Variants in TRPC4 observed in about 807,000 individuals in gnomAD.
TRPC4 encodes the protein transient receptor potential cation channel subfamily C member 4.
A neutral mutation model predicts 99.4 loss-of-function variants in TRPC4; 49 were observed. The observed-to-expected ratio is 0.49, with a 90% CI of 0.39 to 0.63. TRPC4 has a LOEUF of 0.63. Among genes scored for constraint, TRPC4 ranks in the 20% least tolerant of loss-of-function variants. The pLI is 0.00. For missense variants in TRPC4, 898 were observed against 1,152.9 expected (o/e 0.78, Z 3.20); for synonymous variants, 454 against 425.9 (o/e 1.07, Z -0.81).
At chr13:37,774,078 T>C (rs896536442) in intron 2 of TRPC4, among the ~76,000 whole-genome samples, 1 of 151,782 alleles carries the variant, frequency 6.6e-6, no homozygotes, top group African/African-American at 2.4e-5. Flanking sequence ...CAAATGAATG[T>C]ATATAATTTC....
intron 3 of TRPC4, among the ~76,000 whole-genome samples, chr13:37,709,981 T>A (rs1396727698): frequency 1.3e-5 from 2 of 151,984 alleles, no homozygotes; most frequent in African/African-American, 2.4e-5. Context: ...GGAGAGGCTG[T>A]GCCTATACAT....
intron 8 of TRPC4, among the ~76,000 whole-genome samples, chr13:37,645,684 G>A (rs1184263059): frequency 6.6e-6 from 1 of 152,168 alleles, no homozygotes; most frequent in Non-Finnish European, 1.5e-5. Context: ...CTTCTTTGCA[G>A]ATGGATCTAC....
chr13:37,683,847 G>A (rs919547892), intron 4 of TRPC4, among the ~76,000 whole-genome samples: 2 of 152,128 alleles, frequency 1.3e-5, no homozygotes, highest in African/African-American at 4.8e-5. Flanking sequence ...GGCCTTTATT[G>A]GGAAGAGAAG....
chr13:37,837,806 C>T (rs1256072942), intron 1 of TRPC4, among the ~76,000 whole-genome samples: 1 of 152,036 alleles, frequency 6.6e-6, no homozygotes, highest in Non-Finnish European at 1.5e-5. Context: ...GTGGGACGAG[C>T]CAGGGGTGGC....
At chr13:37,746,545 G>C in intron 2 of TRPC4, 90 bp from the exon 3 acceptor site, 5 of 1,396,084 alleles carry the variant, frequency 3.6e-6, no homozygotes, top group Non-Finnish European at 4.7e-6. Context: ...ATATGGAACA[G>C]GGTTTATATG....
Position 37,783,307 on chromosome 13 carries a change from A to G in TRPC4, c.27T>C (p.Asn9=). 1 of 1,585,162 alleles carries G rather than the reference A, an allele frequency of 6.3e-7. No individual in the cohort carries two copies. The highest frequency in any genetic ancestry group is 8.6e-7 in the Non-Finnish European group (1 of 1,168,292). MAQFYYKR[N]VNAPYRDRIP... is the part of the protein sequence containing the mutation. ...TGCGGTCTCTATAGGGAGCATTAAC[A>G]TTTCTTTTGTAATAGAACTGAGCCA... Residue 9 remains asparagine, a synonymous_variant, in exon 2 of 11, where the codon AAT becomes AAC. Coordinates refer to ENST00000379705, the MANE Select transcript of TRPC4 (RefSeq NM_016179.4).
chr13:37,719,529 T>C (rs1012372474), intron 3 of TRPC4, among the ~76,000 whole-genome samples: 2 of 151,938 alleles, frequency 1.3e-5, no homozygotes, highest in East Asian at 3.9e-4. Context: ...AAAAGGCAAA[T>C]AGGTATATAA....
At chr13:37,777,352 C>G (rs1180594399) in intron 2 of TRPC4, among the ~76,000 whole-genome samples, 1 of 151,852 alleles carries the variant, frequency 6.6e-6, no homozygotes, top group South Asian at 2.1e-4. Flanking sequence ...CATGTCTTCA[C>G]ACGGCAGCGG....
chr13:37,744,052 A>G (rs974951704), intron 3 of TRPC4, among the ~76,000 whole-genome samples: 14 of 152,126 alleles, frequency 9.2e-5, no homozygotes, highest in Non-Finnish European at 1.5e-4. Flanking sequence ...TGAATTGTAC[A>G]TCTTGGGAAC....
chr13:37,699,483 A>G (rs1233528169), intron 3 of TRPC4, among the ~76,000 whole-genome samples: 1 of 152,236 alleles, frequency 6.6e-6, no homozygotes, highest in Admixed American at 6.5e-5. Flanking sequence ...TAGTTGCCCA[A>G]TTAAGTTTTT....
intron 8 of TRPC4, among the ~76,000 whole-genome samples, chr13:37,650,826 T>C (rs1224680860): frequency 6.6e-6 from 1 of 152,164 alleles, no homozygotes; most frequent in Non-Finnish European, 1.5e-5. Context: ...AGGGACTTTG[T>C]TAGGCATGAA....
At chr13:37,815,042 A>T (rs1393440615) in intron 1 of TRPC4, among the ~76,000 whole-genome samples, 1 of 151,666 alleles carries the variant, frequency 6.6e-6, no homozygotes, top group Admixed American at 6.6e-5. Flanking sequence ...TGATCAGTTG[A>T]TTTTTTTTAC....
At chr13:37,653,559 T>A (rs1236343708) in intron 7 of TRPC4, among the ~76,000 whole-genome samples, 1 of 151,946 alleles carries the variant, frequency 6.6e-6, no homozygotes, top group Admixed American at 6.6e-5. Flanking sequence ...ATGCATGGAG[T>A]CCTGGGAATC....
intron 1 of TRPC4, among the ~76,000 whole-genome samples, chr13:37,807,259 C>G (rs1957550424): frequency 6.6e-6 from 1 of 151,978 alleles, no homozygotes; most frequent in African/African-American, 2.4e-5. Flanking sequence ...ATGCTCATAA[C>G]TAGATCTTTA....
rs1284786252 is a variant in TRPC4 at position 37,678,267 on chromosome 13, G to T, written c.1235-3900C>A. On this transcript the variant is annotated intron_variant, in intron 4 of 10. Coordinates refer to ENST00000379705, the MANE Select transcript of TRPC4 (RefSeq NM_016179.4). The stretch of plus-strand genomic sequence containing the variant: ...AAGCAGAAAGAAGAAAATAACAAAG[G>T]TAACAAAAATCAATAAAATCTGAAA... Among the ~76,000 whole-genome samples the T allele has an allele frequency of 2.0e-5, 3 of 151,508 alleles. No individual in the cohort carries two copies. In the East Asian group the frequency reaches 5.8e-4, roughly 29 times the overall value.
At chr13:37,731,573 C>G (rs974723998) in intron 3 of TRPC4, among the ~76,000 whole-genome samples, 5 of 151,992 alleles carry the variant, frequency 3.3e-5, no homozygotes, top group African/African-American at 1.2e-4. Context: ...ATAACTAGTA[C>G]AGCTTCCTAG....
chr13:37,819,459 A>C (rs1457332653), intron 1 of TRPC4, among the ~76,000 whole-genome samples: 1 of 151,988 alleles, frequency 6.6e-6, no homozygotes, highest in Non-Finnish European at 1.5e-5. Context: ...CAAATAAAGA[A>C]AATGTGATAC....
chr13:37,812,196 C>CAAAAAAAA (rs1566188981), intron 1 of TRPC4, among the ~76,000 whole-genome samples: 15 of 35,536 alleles, frequency 4.2e-4, no homozygotes, highest in African/African-American at 1.5e-3. Context: ...AAAAAAAAAA[C>CAAAAAAAA]CAGGAGATCT....
intron 1 of TRPC4, among the ~76,000 whole-genome samples, chr13:37,842,363 AAAAAAAAGG>A (rs1164309001): frequency 2.8e-5 from 4 of 143,788 alleles, no homozygotes; most frequent in East Asian, 2.0e-4. Context: ...AAAAAAAAAA[AAAAAAAAGG>A]AAAAGGAAAA....
Sources: gnomAD v4.1 joint callset for allele counts (sites outside exome capture counted in the v4.1 genomes callset) on GRCh38, gnomAD v4.1.1 for gene constraint, MANE v1.5 for transcripts, NCBI Gene and HGNC (gene_info 2026-07-23, HGNC 2026-07-21) for gene names.